NEO1: variants seen among roughly 807,000 people sequenced by gnomAD.
NEO1 encodes the protein neogenin 1.
In NEO1, 63 loss-of-function variants were observed where a neutral mutation model predicts 159.7. That is an observed-to-expected ratio of 0.39 (90% CI 0.32 to 0.49). NEO1 has a LOEUF of 0.49. Ranked by LOEUF, NEO1 falls within the 20% of genes least tolerant of loss-of-function variation. The probability of loss-of-function intolerance (pLI) is 0.85; values close to 1 mark genes in which losing one functional copy is unlikely to be tolerated. For synonymous variants in NEO1, 633 were observed against 662.0 expected, an observed-to-expected ratio of 0.96 and a Z score of 0.67; for missense variants, 1,615 against 1,831.0, an observed-to-expected ratio of 0.88 and a Z score of 2.15.
At chr15:73,065,877 T>C (rs1371522926) in intron 1 of NEO1, among the ~76,000 whole-genome samples, 2 of 152,136 alleles carry the variant, frequency 1.3e-5, no homozygotes, top group Admixed American at 1.3e-4. Context: ...AACTATAGAT[T>C]TGTAGCTTGT....
intron 28 of NEO1, chr15:73,301,668 CCA>C: frequency 6.5e-6 from 4 of 615,174 alleles, no homozygotes; most frequent in Non-Finnish European, 1.1e-5. Flanking sequence ...TTTCCCATAT[CCA>C]CTCTTTTTTT....
chr15:73,193,604 G>A (rs2036359534), intron 7 of NEO1, among the ~76,000 whole-genome samples: 1 of 147,354 alleles, frequency 6.8e-6, no homozygotes. Context: ...CATACATCTA[G>A]TGTGCCTAAG....
chr15:73,266,827 G>A (rs1015551777), intron 16 of NEO1, among the ~76,000 whole-genome samples: 5 of 152,214 alleles, frequency 3.3e-5, no homozygotes, highest in African/African-American at 1.2e-4. Context: ...AGCCACCTGA[G>A]TTGGTTAGGA....
rs1446302555 is a variant in NEO1 at position 73,270,381 on chromosome 15, C to A, written c.2784C>A (p.Phe928Leu). The change falls in exon 18 of 29, where the codon TTC (phenylalanine) becomes TTA (leucine). Residue 928 changes from phenylalanine (F) to leucine (L), a missense_variant. By Grantham distance (22) the Phe-to-Leu change is conservative. This residue lies in a region of NEO1 where 126 missense variants were observed against 216.7 expected (regional missense o/e 0.58). Transcript: ENST00000261908. ...TGLKPNTLYE[F>L]SVMVTKGRRS... is the part of the protein sequence containing the mutation. The stretch of plus-strand genomic sequence containing the variant: ...TAAAGCCGAATACACTCTATGAATT[C>A]TCTGTGATGGTGACCAAAGGTCGAA... 6.2e-7 allele frequency: 1 copy of A among 1,614,040 alleles called. No individual in the cohort carries two copies. Among genetic ancestry groups the A allele is most frequent in the Non-Finnish European group, 8.5e-7 (1 of 1,180,040 alleles).
At chr15:73,175,339 A>T (rs2035220685) in intron 5 of NEO1, among the ~76,000 whole-genome samples, 1 of 152,260 alleles carries the variant, frequency 6.6e-6, no homozygotes, top group Admixed American at 6.5e-5. Context: ...TTAGAATAGC[A>T]TCAAAAGTAT....
intron 14 of NEO1, 73 bp from the exon 15 acceptor site, chr15:73,260,198 C>G (rs2040558569): frequency 1.4e-6 from 2 of 1,422,030 alleles, no homozygotes; most frequent in East Asian, 2.3e-5. Flanking sequence ...AAGCTAAACA[C>G]CATTCCCCAA....
intron 11 of NEO1, among the ~76,000 whole-genome samples, chr15:73,252,667 A>T (rs1380575783): frequency 6.6e-6 from 1 of 152,184 alleles, no homozygotes; most frequent in Admixed American, 6.5e-5. Flanking sequence ...ACCTGGTTCC[A>T]GAAAAACCTA....
chr15:73,119,452 G>T (rs1395829288), intron 2 of NEO1, among the ~76,000 whole-genome samples: 1 of 152,198 alleles, frequency 6.6e-6, no homozygotes. Context: ...TCTCTGAGCT[G>T]TCTCATTTCT....
In NEO1 at chr15:73,090,969, T is replaced by C. The variant is rs138391407; in HGVS notation, c.131-25571T>C. On this transcript the variant is annotated intron_variant, in intron 1 of 28. Transcript: ENST00000261908. Reference sequence around the variant, plus strand: ...ATTGCGTTATTGAGGCAGTTACTATTATCCCAATCTTATAGATGAGTAAAC... The same window carrying C: ...ATTGCGTTATTGAGGCAGTTACTATCATCCCAATCTTATAGATGAGTAAAC... Among the ~76,000 whole-genome samples, 770 of 152,314 alleles carry C rather than the reference T, an allele frequency of 5.1e-3. 6 individuals carry two copies. The highest frequency in any genetic ancestry group is 0.018 in the African/African-American group (732 of 41,568).
intron 4 of NEO1, 33 bp downstream of exon 4, chr15:73,126,603 C>T: frequency 6.3e-7 from 1 of 1,594,066 alleles, no homozygotes; most frequent in Non-Finnish European, 8.5e-7. Context: ...CCTTCTTCAG[C>T]CTTAGCTTGA....
chr15:73,135,810 C>T (rs2031685205), intron 4 of NEO1, 81 bp from the exon 5 acceptor site: 1 of 1,247,820 alleles, frequency 8.0e-7, no homozygotes, highest in South Asian at 2.1e-5. Context: ...AGTGTTTTCT[C>T]TATTTTATGT....
chr15:73,119,585 G>A (rs973009413), intron 2 of NEO1, among the ~76,000 whole-genome samples: 6 of 152,140 alleles, frequency 3.9e-5, no homozygotes, highest in Admixed American at 2.0e-4. Context: ...TGTCAACTCC[G>A]GGTCTTAACT....
At chr15:73,276,625 T>C (rs1292574329) in intron 21 of NEO1, among the ~76,000 whole-genome samples, 1 of 152,242 alleles carries the variant, frequency 6.6e-6, no homozygotes, top group Admixed American at 6.5e-5. Context: ...TCCTGTTACC[T>C]TCTTTTGGTA....
rs765677243 is a variant in NEO1, at chr15:73,289,186, G to A, written c.3690G>A (p.Arg1230=). 12 of 1,614,110 alleles carry A rather than the reference G, an allele frequency of 7.4e-6. No homozygotes were observed. Among genetic ancestry groups the A allele is most frequent in the Non-Finnish European group, 1.0e-5 (12 of 1,180,018 alleles). ...ACAGCATGTCTACACTGGCTGGAAGGCGAGGAATGAGACCAAAAATGATGA... is the reference window on the plus strand; with the variant it reads ...ACAGCATGTCTACACTGGCTGGAAGACGAGGAATGAGACCAAAAATGATGA... ...SEDSMSTLAG[R]RGMRPKMMMP... The change falls in exon 25 of 29, where the codon AGG becomes AGA. Residue 1230 remains arginine (R), a synonymous_variant. Coordinates refer to ENST00000261908, the MANE Select transcript of NEO1 (RefSeq NM_002499.4).
intron 1 of NEO1, among the ~76,000 whole-genome samples, chr15:73,067,127 C>G (rs2068261814): frequency 6.6e-6 from 1 of 152,146 alleles, no homozygotes; most frequent in Non-Finnish European, 1.5e-5. Context: ...TGTTTGGTGT[C>G]CCATTTGTAT....
intron 2 of NEO1, 99 bp downstream of exon 2, chr15:73,116,956 C>G (rs2071360608): frequency 1.1e-6 from 1 of 911,736 alleles, no homozygotes; most frequent in South Asian, 1.8e-5. Context: ...TAATTAGTAG[C>G]AACAAATATA....
chr15:73,283,918 G>A (rs1284045872), intron 23 of NEO1, among the ~76,000 whole-genome samples: 1 of 151,924 alleles, frequency 6.6e-6, no homozygotes, highest in Non-Finnish European at 1.5e-5. Flanking sequence ...GGGGGTGGGG[G>A]TAGGATTGCT....
intron 5 of NEO1, among the ~76,000 whole-genome samples, chr15:73,164,361 A>G (rs1213670715): frequency 6.6e-6 from 1 of 151,856 alleles, no homozygotes; most frequent in Non-Finnish European, 1.5e-5. Flanking sequence ...TTACAGGCAC[A>G]TGCCACCACA....
At chr15:73,198,955 T>C (rs910734975) in intron 7 of NEO1, among the ~76,000 whole-genome samples, 3 of 151,102 alleles carry the variant, frequency 2.0e-5, no homozygotes, top group Non-Finnish European at 4.4e-5. Flanking sequence ...ATAACCAACA[T>C]TGATACATTT....
Sources: allele counts gnomAD v4.1 joint callset (sites outside exome capture counted in the v4.1 genomes callset), GRCh38; gene constraint gnomAD v4.1.1; regional missense constraint gnomAD v4.1.1; transcripts MANE v1.5; gene names NCBI Gene and HGNC (gene_info 2026-07-23, HGNC 2026-07-21).